The following PHLPP2 variants were observed in gnomAD, a reference collection of about 807,000 sequenced individuals.
The protein encoded by PHLPP2 is PH domain and leucine rich repeat protein phosphatase 2.
Under a neutral mutation model 124.9 loss-of-function variants are expected in PHLPP2, and 66 were observed. That is an observed-to-expected ratio of 0.53 (90% confidence interval 0.43 to 0.65). The LOEUF is 0.65. Ranked by LOEUF, PHLPP2 falls within the 30% of genes least tolerant of loss-of-function variation. The probability of loss-of-function intolerance (pLI) is 0.00; values close to 1 mark genes in which losing one functional copy is unlikely to be tolerated. For synonymous variants in PHLPP2, 681 were observed against 624.7 expected, an observed-to-expected ratio of 1.09 and a Z score of -1.34; for missense variants, 1,685 against 1,600.4, an observed-to-expected ratio of 1.05 and a Z score of -0.90.
chr16:71,718,385 C>T (rs1345868758), intron 1 of PHLPP2, among the ~76,000 whole-genome samples: 1 of 152,034 alleles, frequency 6.6e-6, no homozygotes. Flanking sequence ...CGAGACCAGC[C>T]TGGCCAACAT....
chr16:71,707,353 C>G (rs2045283488), intron 2 of PHLPP2, among the ~76,000 whole-genome samples: 1 of 152,108 alleles, frequency 6.6e-6, no homozygotes, highest in Non-Finnish European at 1.5e-5. Context: ...TTAGCATTTC[C>G]TGAATAATAG....
chr16:71,668,434 AAAAAAAAAAG>A (rs2044859534), intron 11 of PHLPP2, among the ~76,000 whole-genome samples: 1 of 146,192 alleles, frequency 6.8e-6, no homozygotes. Flanking sequence ...AAAAAAAAAA[AAAAAAAAAAG>A]AGTGAAGGCT....
intron 17 of PHLPP2, among the ~76,000 whole-genome samples, chr16:71,654,825 G>C (rs2044728380): frequency 6.6e-6 from 1 of 152,176 alleles, no homozygotes. Context: ...TAGAAGATTA[G>C]TTTGGTAAAA....
chr16:71,645,588 C>G lies in PHLPP2; in HGVS notation c.*3302G>C, dbSNP rs2044647954. The G allele has an allele frequency of 6.5e-6, 1 of 152,834 alleles. No individual in the cohort carries two copies. Among genetic ancestry groups the G allele is most frequent in the South Asian group, 2.1e-4 (1 of 4,832 alleles). The allele number at this position is 152,834 out of a possible 1,614,324, so 9.5% of individuals were successfully genotyped here. A position where few individuals can be genotyped will look rare whatever the true frequency, so the allele number is the denominator to read the frequency against. ...AGTACCGGCTTTTGCTGAAGGTCTA[C>G]ATGGGAAGAAGAGCATCATTTGATA... On this transcript the variant is annotated 3_prime_UTR_variant, in exon 19 of 19. Coordinates refer to ENST00000568954, the MANE Select transcript of PHLPP2 (RefSeq NM_015020.3).
At chr16:71,665,837 A>G (rs1215738857) in intron 12 of PHLPP2, among the ~76,000 whole-genome samples, 2 of 152,234 alleles carry the variant, frequency 1.3e-5, no homozygotes, top group African/African-American at 4.8e-5. Flanking sequence ...TAAATGTTAC[A>G]TAAAGAAAAC....
chr16:71,661,218 A>G (rs1025700118), intron 13 of PHLPP2, among the ~76,000 whole-genome samples: 2 of 151,732 alleles, frequency 1.3e-5, no homozygotes, highest in African/African-American at 4.8e-5. Flanking sequence ...AGGCAGGCAC[A>G]CAACACCACA....
At chr16:71,653,096 C>CT in intron 17 of PHLPP2, 75 bp from the exon 18 acceptor site, 1 of 743,554 alleles carries the variant, frequency 1.3e-6, no homozygotes, top group Non-Finnish European at 2.1e-6. Flanking sequence ...ACGTACATCC[C>CT]TTCTTTTTTT....
chr16:71,702,535 A>G, intron 3 of PHLPP2, 63 bp downstream of exon 3: 17 of 1,367,378 alleles, frequency 1.2e-5, no homozygotes, highest in Non-Finnish European at 1.7e-5. Context: ...CTGACGGCAG[A>G]TAAGAGGCAC....
chr16:71,716,768 C>G (rs915983933), intron 1 of PHLPP2, among the ~76,000 whole-genome samples: 6 of 152,192 alleles, frequency 3.9e-5, no homozygotes, highest in Non-Finnish European at 8.8e-5. Context: ...CAGGCATCAC[C>G]TTCTCTATGG....
chr16:71,676,920 TG>T (rs2145334721), intron 8 of PHLPP2: 1 of 385,206 alleles, frequency 2.6e-6, no homozygotes, highest in African/African-American at 2.1e-5. Flanking sequence ...GCTAATTTTT[TG>T]TATTTTTAGT....
At chr16:71,679,798 C>A (rs2044980234) in intron 6 of PHLPP2, among the ~76,000 whole-genome samples, 1 of 152,140 alleles carries the variant, frequency 6.6e-6, no homozygotes, top group African/African-American at 2.4e-5. Context: ...GGAAGACAAT[C>A]TTGGCCGGAT....
At position 71,704,906 on chromosome 16, in the gene PHLPP2, A is replaced by T. The variant is rs140827365; in HGVS notation, c.285-2175T>A. Reference sequence around the variant, plus strand: ...CTAACCATATAATATGAATAAACTGATGGAGGATTAACTTCAAGACAAGGA... The same window carrying T: ...CTAACCATATAATATGAATAAACTGTTGGAGGATTAACTTCAAGACAAGGA... On this transcript the variant is annotated intron_variant, in intron 2 of 18. Transcript: ENST00000568954. Among the ~76,000 whole-genome samples the T allele has an allele frequency of 7.6e-3, 1,152 of 152,276 alleles. 53 individuals carry two copies. Among genetic ancestry groups the T allele is most frequent in the Admixed American group, 0.07 (1,068 of 15,280 alleles).
chr16:71,646,764 C>A lies in PHLPP2; in HGVS notation c.*2126G>T, dbSNP rs1458184897. ...AACACTCTTGTTCCCATCTTTCTAA[C>A]AGCACCTAAACTCTGTGTGAGCCAC... is the stretch of plus-strand genomic sequence containing the variant. On this transcript the variant is annotated 3_prime_UTR_variant, in exon 19 of 19. Coordinates refer to ENST00000568954, the MANE Select transcript of PHLPP2 (RefSeq NM_015020.3). 6.6e-6 allele frequency: 1 copy of A among 152,134 alleles called. No individual in the cohort carries two copies. Among genetic ancestry groups the A allele is most frequent in the Non-Finnish European group, 1.5e-5 (1 of 68,034 alleles). The allele number at this position is 152,134 out of a possible 1,614,324, so 9.4% of individuals were successfully genotyped here.
At chr16:71,713,773 T>C (rs549272222) in intron 2 of PHLPP2, among the ~76,000 whole-genome samples, 3 of 152,214 alleles carry the variant, frequency 2.0e-5, no homozygotes, top group Admixed American at 6.5e-5. Flanking sequence ...TGGGCACATA[T>C]ATGCTTATAA....
At chr16:71,722,202 C>T (rs180703504) in intron 1 of PHLPP2, among the ~76,000 whole-genome samples, 1 of 152,190 alleles carries the variant, frequency 6.6e-6, no homozygotes, top group African/African-American at 2.4e-5. Context: ...GAGGCCAAGG[C>T]GGGCGGATCA....
At position 71,646,838 on chromosome 16, in the gene PHLPP2, G is replaced by A. The variant is rs1260192925; in HGVS notation, c.*2052C>T. ...GACCTGAGTTCTAAAATTCTCAATA[G>A]CTGACCAGTAGTTTGACAATCTGGG... On this transcript the variant is annotated 3_prime_UTR_variant, in exon 19 of 19. Transcript: ENST00000568954. The A allele has an allele frequency of 6.6e-6, 1 of 152,112 alleles. No homozygotes were observed. The highest frequency in any genetic ancestry group is 1.5e-5 in the Non-Finnish European group (1 of 68,032). 9.4% of individuals were successfully genotyped at this position (152,112 alleles called of 1,614,324 possible). A position where few individuals can be genotyped will look rare whatever the true frequency, so the allele number is the denominator to read the frequency against.
In PHLPP2 at chr16:71,645,223, A is replaced by T. The variant is rs2044645569; in HGVS notation, c.*3667T>A. ...ATGAAATTTAGAATACAAGGAACTT[A>T]TGTGTGACTGACTGATCACCAAATG... On this transcript the variant is annotated 3_prime_UTR_variant, in exon 19 of 19. Transcript: ENST00000568954. The T allele has an allele frequency of 6.3e-6, 1 of 159,364 alleles. No homozygotes were observed. The highest frequency in any genetic ancestry group is 1.4e-5 in the Non-Finnish European group (1 of 72,794). The allele number at this position is 159,364 out of a possible 1,614,324, so 9.9% of individuals were successfully genotyped here. A position where few individuals can be genotyped will look rare whatever the true frequency, so the allele number is the denominator to read the frequency against.
chr16:71,684,703 G>C, intron 4 of PHLPP2, 102 bp from the exon 5 acceptor site: 1 of 1,154,876 alleles, frequency 8.7e-7, no homozygotes, highest in Non-Finnish European at 1.2e-6. Context: ...TTTAAAAATA[G>C]TTATTTTTTA....
intron 4 of PHLPP2, among the ~76,000 whole-genome samples, chr16:71,687,410 T>C (rs533437915): frequency 2.0e-5 from 3 of 152,328 alleles, no homozygotes; most frequent in East Asian, 3.9e-4. Context: ...ATATATTCTT[T>C]CATCATTTCA....
Sources: allele counts gnomAD v4.1 joint callset (sites outside exome capture counted in the v4.1 genomes callset), GRCh38; gene constraint gnomAD v4.1.1; transcripts MANE v1.5; gene names NCBI Gene and HGNC (gene_info 2026-07-23, HGNC 2026-07-21).